Variants in MFSD8 observed in about 807,000 individuals in gnomAD.
MFSD8 encodes major facilitator superfamily domain containing 8.
In MFSD8, 55 loss-of-function variants were observed where a neutral mutation model predicts 66.4. That is an observed-to-expected ratio of 0.83 (90% CI 0.67 to 1.04). The LOEUF is 1.04. MFSD8 is among the 50% of genes least tolerant of loss of function. The pLI, the probability that MFSD8 is intolerant of heterozygous loss-of-function variation, is 0.00. For synonymous variants in MFSD8, 202 were observed against 212.8 expected (o/e 0.95, Z 0.44); for missense variants, 550 against 627.6 (o/e 0.88, Z 1.32).
At chr4:127,964,463 C>T (rs950146935) in intron 1 of MFSD8, among the ~76,000 whole-genome samples, 4 of 152,354 alleles carry the variant, frequency 2.6e-5, no homozygotes, top group Admixed American at 2.6e-4. Flanking sequence ...GCACACCCTC[C>T]GCAGCCGCTG....
chr4:127,937,934 T>C (rs1739342063), intron 7 of MFSD8, among the ~76,000 whole-genome samples: 1 of 152,226 alleles, frequency 6.6e-6, no homozygotes, highest in African/African-American at 2.4e-5. Context: ...GTCCTTGCAT[T>C]CTTTCCGCAA....
intron 3 of MFSD8, among the ~76,000 whole-genome samples, chr4:127,947,574 T>C (rs1430944073): frequency 1.4e-5 from 2 of 140,156 alleles, no homozygotes; most frequent in Non-Finnish European, 3.1e-5. Context: ...CAAGACTCCA[T>C]TGCAAAAAAA....
At chr4:127,946,806 T>C (rs1417355378) in intron 3 of MFSD8, among the ~76,000 whole-genome samples, 2 of 151,920 alleles carry the variant, frequency 1.3e-5, no homozygotes, top group Admixed American at 1.3e-4. Context: ...TCCCAGCTAC[T>C]TGGGAGGCTG....
intron 2 of MFSD8, 76 bp from the exon 3 acceptor site, chr4:127,949,923 G>T: frequency 7.6e-7 from 1 of 1,320,414 alleles, no homozygotes; most frequent in Non-Finnish European, 1.1e-6. Flanking sequence ...TCTGAACCGT[G>T]GCATGGATTT....
At position 127,920,663 on chromosome 4, in the gene MFSD8, A is replaced by T. The variant is rs1285411469; in HGVS notation, c.1524T>A (p.Ala508=). 1 of 1,613,904 alleles carries T rather than the reference A, an allele frequency of 6.2e-7. No homozygotes were observed. The highest frequency in any genetic ancestry group is 2.2e-5 in the East Asian group (1 of 44,888). Residue 508 remains alanine (A), a synonymous_variant, in exon 12 of 12, where the codon GCT becomes GCA. Transcript: ENST00000641686. ...GAATCCTCCCATATCTTACAGAAAG[A>T]GCAATGAGTCTTTTGTAAACCACTC... ...LLGVVYKRLI[A]LSVRYGRIQE
At chr4:127,943,377 A>G (rs541699084) in intron 4 of MFSD8, 1 of 231,790 alleles carries the variant, frequency 4.3e-6, no homozygotes, top group South Asian at 5.4e-5. Context: ...AATTGGATCT[A>G]TTTTTGTTTT....
At chr4:127,948,244 C>T (rs1025644901) in intron 3 of MFSD8, among the ~76,000 whole-genome samples, 8 of 152,048 alleles carry the variant, frequency 5.3e-5, no homozygotes, top group Admixed American at 3.3e-4. Context: ...CGGTTGTTAA[C>T]GCTCTCTAAA....
intron 7 of MFSD8, among the ~76,000 whole-genome samples, chr4:127,937,583 A>G (rs1739287676): frequency 6.6e-6 from 1 of 152,238 alleles, no homozygotes; most frequent in Admixed American, 6.5e-5. Flanking sequence ...TGTACCTATG[A>G]AAAGCTTAAT....
At chr4:127,955,891 G>T (rs1035360007) in intron 2 of MFSD8, among the ~76,000 whole-genome samples, 2 of 152,090 alleles carry the variant, frequency 1.3e-5, no homozygotes, top group Non-Finnish European at 2.9e-5. Context: ...GGCTGAGGCG[G>T]GCAGATCATG....
At chr4:127,935,587 T>A (rs1400446018) in intron 7 of MFSD8, among the ~76,000 whole-genome samples, 1 of 152,182 alleles carries the variant, frequency 6.6e-6, no homozygotes, top group Non-Finnish European at 1.5e-5. Flanking sequence ...TATTGAAATT[T>A]AAAAATTTTA....
Position 127,940,016 on chromosome 4 carries a change from T to A in MFSD8, c.554-19A>T, listed in dbSNP as rs756162274. ...TGAAAAACTTATTAAGATAAAATTT[T>A]CACAGATGAATTATTATATGAGAAG... On this transcript the variant is annotated intron_variant, in intron 5 of 11. Coordinates refer to ENST00000641686, the MANE Select transcript of MFSD8 (RefSeq NM_001371596.2). 2 of 1,602,194 alleles carry A rather than the reference T, an allele frequency of 1.2e-6. No homozygotes were observed. Among genetic ancestry groups the A allele is most frequent in the Non-Finnish European group, 8.5e-7 (1 of 1,170,548 alleles).
Position 127,965,139 on chromosome 4 carries a change from C to T in MFSD8, c.-6G>A. Reference sequence around the variant, plus strand: ...TCGTTCCGCAGGCCGGCCATAGTTACACTCCCTACAAGGCGTCTTGCGCCC... The same window carrying T: ...TCGTTCCGCAGGCCGGCCATAGTTATACTCCCTACAAGGCGTCTTGCGCCC... On this transcript the variant is annotated 5_prime_UTR_variant, in exon 1 of 12. Transcript: ENST00000641686. The T allele has an allele frequency of 1.2e-6, 2 of 1,613,978 alleles. No individual in the cohort carries two copies. The highest frequency in any genetic ancestry group is 2.2e-5 in the East Asian group (1 of 44,884).
chr4:127,946,775 C>T (rs759195057), intron 3 of MFSD8, among the ~76,000 whole-genome samples: 15 of 151,840 alleles, frequency 9.9e-5, no homozygotes, highest in Admixed American at 3.3e-4. Flanking sequence ...ATTAGCTGGG[C>T]GTGGTGGTGC....
Position 127,917,917 on chromosome 4 carries a change from C to T in MFSD8, c.*2713G>A, listed in dbSNP as rs543441899. 5 of 152,244 alleles carry T rather than the reference C, an allele frequency of 3.3e-5. No individual in the cohort carries two copies. In the East Asian group the frequency reaches 5.8e-4, roughly 18 times the overall value. 9.4% of individuals were successfully genotyped at this position (152,244 alleles called of 1,614,324 possible). On this transcript the variant is annotated 3_prime_UTR_variant, in exon 12 of 12. Transcript: ENST00000641686. ...AAAAATGGTGCCCAGAATTTCTTCTCAAAATAAGTTAATCTATTCTTAAAC... is the reference window on the plus strand; with the variant it reads ...AAAAATGGTGCCCAGAATTTCTTCTTAAAATAAGTTAATCTATTCTTAAAC...
intron 2 of MFSD8, 118 bp from the exon 3 acceptor site, chr4:127,949,965 C>T: frequency 1.3e-6 from 1 of 776,224 alleles, no homozygotes; most frequent in Admixed American, 2.5e-5. Context: ...TCTATGCATA[C>T]AAATGCCTAA....
chr4:127,934,571 G>GTATTT (rs1738711085), intron 7 of MFSD8: 1 of 142,638 alleles, frequency 7.0e-6, no homozygotes, highest in Non-Finnish European at 1.5e-5. Context: ...AATAAGCCAG[G>GTATTT]TATTTTTTTT....
intron 2 of MFSD8, 79 bp downstream of exon 2, chr4:127,957,422 A>G (rs1743072389): frequency 2.0e-6 from 2 of 1,005,598 alleles, no homozygotes; most frequent in East Asian, 4.8e-5. Context: ...TTCAGAGGCA[A>G]TGAAAGTAAA....
Position 127,943,827 on chromosome 4 carries a change from CAT to C in MFSD8, c.362_363del (p.Tyr121CysfsTer10), listed in dbSNP as rs2148922004. Reference sequence around the variant, plus strand: ...TGAGAAGCTGGGATGTGGAGATATGCATAGAGGCAGTTGGCTGCCACGGAAAT... The same window carrying C: ...TGAGAAGCTGGGATGTGGAGATATGCAGAGGCAGTTGGCTGCCACGGAAAT... ...ILISVAANCLYAYLHIPASHN... is the reference protein window; with the variant it reads ...ILISVAANCLXAYLHIPASHN... On this transcript the variant is annotated frameshift_variant, in exon 4 of 12. Transcript: ENST00000641686. LOFTEE classifies it high-confidence loss of function. 1.2e-6 allele frequency: 2 copies of C among 1,614,102 alleles called. No individual in the cohort carries two copies. The highest frequency in any genetic ancestry group is 1.7e-6 in the Non-Finnish European group (2 of 1,179,992).
At chr4:127,949,926 A>T in intron 2 of MFSD8, 79 bp from the exon 3 acceptor site, 2 of 1,300,898 alleles carry the variant, frequency 1.5e-6, no homozygotes, top group South Asian at 2.8e-5. Flanking sequence ...GAACCGTGGC[A>T]TGGATTTTAA....
Sources: allele counts gnomAD v4.1 joint callset (sites outside exome capture counted in the v4.1 genomes callset), GRCh38; gene constraint gnomAD v4.1.1; transcripts MANE v1.5; gene names NCBI Gene and HGNC (gene_info 2026-07-23, HGNC 2026-07-21).